Variants in SPAG16 observed in about 807,000 individuals in gnomAD.
SPAG16 encodes sperm associated antigen 16, also known as sperm-associated antigen 16 protein.
In SPAG16, 86 loss-of-function variants were observed where a neutral mutation model predicts 80.4. The ratio of observed to expected loss-of-function variants is 1.07; its 90% confidence interval spans 0.90 to 1.28. The LOEUF (loss-of-function observed/expected upper bound fraction) is 1.28, where lower values mean the gene tolerates loss of function less well. Among genes scored for constraint, SPAG16 ranks in the 50% most tolerant of loss-of-function variants. The pLI, the probability that SPAG16 is intolerant of heterozygous loss-of-function variation, is 0.00. For synonymous variants in SPAG16, 294 were observed against 265.9 expected, an observed-to-expected ratio of 1.11 and a Z score of -1.03; for missense variants, 870 against 765.3, an observed-to-expected ratio of 1.14 and a Z score of -1.61.
At chr2:213,379,391 T>G (rs1331871357) in intron 9 of SPAG16, among the ~76,000 whole-genome samples, 2 of 152,136 alleles carry the variant, frequency 1.3e-5, no homozygotes, top group African/African-American at 4.8e-5. Flanking sequence ...AATTCTACGG[T>G]TTTATCAATC....
At chr2:213,815,383 A>G (rs554101806) in intron 10 of SPAG16, among the ~76,000 whole-genome samples, 1 of 152,212 alleles carries the variant, frequency 6.6e-6, no homozygotes, top group Non-Finnish European at 1.5e-5. Flanking sequence ...GTCCTATACT[A>G]TGATTCTAGG....
intron 10 of SPAG16, among the ~76,000 whole-genome samples, chr2:213,540,697 A>G (rs764106351): frequency 3.9e-5 from 6 of 152,226 alleles, no homozygotes; most frequent in Non-Finnish European, 8.8e-5. Context: ...GTTCTTCACA[A>G]TTTGGAGAAG....
At chr2:214,107,686 A>T (rs1231600358) in intron 13 of SPAG16, among the ~76,000 whole-genome samples, 1 of 152,174 alleles carries the variant, frequency 6.6e-6, no homozygotes, top group African/African-American at 2.4e-5. Flanking sequence ...TTCTGTATTT[A>T]AAAATGCCAC....
intron 10 of SPAG16, among the ~76,000 whole-genome samples, chr2:213,617,929 G>A (rs1451337705): frequency 6.6e-6 from 1 of 152,180 alleles, no homozygotes; most frequent in African/African-American, 2.4e-5. Context: ...TGGTGGTGCT[G>A]TGTGTCTACA....
intron 15 of SPAG16, among the ~76,000 whole-genome samples, chr2:214,207,256 T>G (rs1321364742): frequency 1.3e-5 from 2 of 152,174 alleles, no homozygotes; most frequent in African/African-American, 4.8e-5. Flanking sequence ...GTTCAGGTGC[T>G]TTTTCTTCAA....
intron 15 of SPAG16, among the ~76,000 whole-genome samples, chr2:214,184,943 T>C (rs1017762095): frequency 5.9e-5 from 9 of 152,246 alleles, no homozygotes; most frequent in African/African-American, 1.9e-4. Flanking sequence ...TTAAAAATTT[T>C]TTTTTTGCTT....
intron 15 of SPAG16, among the ~76,000 whole-genome samples, chr2:214,389,990 G>A (rs1697203630): frequency 6.6e-6 from 1 of 152,122 alleles, no homozygotes; most frequent in Non-Finnish European, 1.5e-5. Context: ...CCAAGCTCAG[G>A]AATGGTTATT....
In SPAG16 at chr2:213,844,741, T is replaced by C. The variant is rs116474195; in HGVS notation, c.1071-17744T>C. Among the ~76,000 whole-genome samples the C allele has an allele frequency of 6.3e-3, 963 of 152,362 alleles. 6 individuals are homozygous for C. Among genetic ancestry groups the C allele is most frequent in the Middle Eastern group, 0.01 (3 of 294 alleles). ...ATATTCATAGTTATAGCCAGTTTTT[T>C]ACTGTCTTTACCAATGAAAGGAAAC... On this transcript the variant is annotated intron_variant, in intron 10 of 15. Transcript: ENST00000331683.
chr2:213,419,289 C>T (rs886538974), intron 9 of SPAG16, among the ~76,000 whole-genome samples: 2 of 152,142 alleles, frequency 1.3e-5, no homozygotes, highest in African/African-American at 4.8e-5. Context: ...TTTCATTTCT[C>T]AGGACCTTAT....
chr2:214,225,813 T>C (rs1406319322), intron 15 of SPAG16, among the ~76,000 whole-genome samples: 3 of 152,140 alleles, frequency 2.0e-5, no homozygotes, highest in African/African-American at 4.8e-5. Context: ...TTCCTTCTAA[T>C]CATTTAAACT....
chr2:213,746,706 C>T (rs992289090), intron 10 of SPAG16, among the ~76,000 whole-genome samples: 1 of 152,096 alleles, frequency 6.6e-6, no homozygotes, highest in East Asian at 1.9e-4. Flanking sequence ...ACTAGGGTGG[C>T]TGAGGCAGGA....
In SPAG16 at chr2:213,857,289, T is replaced by G. The variant is rs541839869; in HGVS notation, c.1071-5196T>G. On this transcript the variant is annotated intron_variant, in intron 10 of 15. Transcript: ENST00000331683. ...GGAAGAACATATTATTTAAAACTCT[T>G]AAATCTAGAGAGGTAAAGTCAATGC... is the stretch of plus-strand genomic sequence containing the variant. Among the ~76,000 whole-genome samples, 3 of 152,290 alleles carry G rather than the reference T, an allele frequency of 2.0e-5. No individual in the cohort carries two copies. In the South Asian group the frequency reaches 6.2e-4, roughly 32 times the overall value.
chr2:213,832,955 T>A (rs1051611558), intron 10 of SPAG16, among the ~76,000 whole-genome samples: 1 of 152,116 alleles, frequency 6.6e-6, no homozygotes, highest in African/African-American at 2.4e-5. Context: ...CTATCTACAA[T>A]GCAAATTTTA....
intron 7 of SPAG16, among the ~76,000 whole-genome samples, chr2:213,351,713 T>A (rs1372267134): frequency 6.6e-6 from 1 of 152,238 alleles, no homozygotes; most frequent in Non-Finnish European, 1.5e-5. Flanking sequence ...TAATTTTATT[T>A]GTCAAGACAT....
At chr2:213,906,805 A>G (rs986577146) in intron 11 of SPAG16, among the ~76,000 whole-genome samples, 1 of 152,192 alleles carries the variant, frequency 6.6e-6, no homozygotes, top group African/African-American at 2.4e-5. Context: ...GGCAAATAAT[A>G]TCCATTTGTG....
At chr2:213,426,744 G>C (rs2069939753) in intron 9 of SPAG16, among the ~76,000 whole-genome samples, 2 of 147,506 alleles carry the variant, frequency 1.4e-5, no homozygotes, top group Admixed American at 6.7e-5. Flanking sequence ...TTCTCTAAAA[G>C]CATAAATCTG....
At chr2:213,689,584 A>G (rs1198007169) in intron 10 of SPAG16, among the ~76,000 whole-genome samples, 1 of 130,290 alleles carries the variant, frequency 7.7e-6, no homozygotes, top group Non-Finnish European at 1.5e-5. Context: ...TGACCTCTCT[A>G]AGAGCAGTGC....
At chr2:214,207,247 T>G (rs1340409671) in intron 15 of SPAG16, among the ~76,000 whole-genome samples, 2 of 152,138 alleles carry the variant, frequency 1.3e-5, no homozygotes, top group African/African-American at 4.8e-5. Flanking sequence ...GTCCACCCAG[T>G]TCAGGTGCTT....
At chr2:213,303,664 C>T (rs760870493) in intron 3 of SPAG16, among the ~76,000 whole-genome samples, 13 of 152,068 alleles carry the variant, frequency 8.5e-5, no homozygotes, top group Non-Finnish European at 5.9e-5. Context: ...ATTCCACTTA[C>T]ATAATGATGT....
Sources: allele counts gnomAD v4.1 joint callset (sites outside exome capture counted in the v4.1 genomes callset), GRCh38; gene constraint gnomAD v4.1.1; transcripts MANE v1.5; gene names NCBI Gene and HGNC (gene_info 2026-07-23, HGNC 2026-07-21).